FRMPD2: variants seen among roughly 807,000 people sequenced by gnomAD.
The protein encoded by FRMPD2 is FERM and PDZ domain-containing protein 2.
FRMPD2 carries 96 observed loss-of-function variants against 140.1 expected under a neutral mutation model. That is an observed-to-expected ratio of 0.69 (90% CI 0.58 to 0.81). FRMPD2 has a LOEUF of 0.81. Ranked by LOEUF, FRMPD2 falls within the 40% of genes least tolerant of loss-of-function variation. The pLI, the probability that FRMPD2 is intolerant of heterozygous loss-of-function variation, is 0.00. For missense variants in FRMPD2, 1,240 were observed against 1,447.4 expected (o/e 0.86, Z 2.32); for synonymous variants, 449 against 547.6 (o/e 0.82, Z 2.52).
intron 1 of FRMPD2, among the ~76,000 whole-genome samples, chr10:48,255,349 G>A (rs1840468111): frequency 2.0e-5 from 3 of 152,186 alleles, no homozygotes; most frequent in Admixed American, 6.5e-5. Context: ...CCTCTCCCTG[G>A]CATGCCTCGG....
intron 16 of FRMPD2, among the ~76,000 whole-genome samples, chr10:48,188,712 G>GAGGTGGCCTTC (rs980601317): frequency 5.3e-5 from 8 of 152,342 alleles, no homozygotes; most frequent in Admixed American, 5.2e-4. Context: ...CGATGATGCT[G>GAGGTGGCCTTC]AGGTGGCCTT....
rs758653639 is a variant in FRMPD2, at chr10:48,187,219, CAG to C, written c.2237_2238del (p.Ser746TrpfsTer14). The C allele has an allele frequency of 3.7e-6, 6 of 1,613,838 alleles. No homozygotes were observed. The Admixed American group carries it at 5.0e-5, about 13-fold the overall frequency. On this transcript the variant is annotated frameshift_variant, in exon 17 of 29. Coordinates refer to ENST00000374201, the MANE Select transcript of FRMPD2 (RefSeq NM_001018071.4). LOFTEE classifies it high-confidence loss of function. The stretch of plus-strand genomic sequence containing the variant: ...GCATGCATGCTCTGAACAGGTGGTC[CAG>C]AGAGAGAGTCCCAGGTCATTGGCTT... ...IQKPMTWDSL[S>X]GPPVQSMHAG...
In FRMPD2 at chr10:48,163,736, GC is replaced by G; in HGVS notation, c.3538-66del. The G allele has an allele frequency of 3.3e-6, 3 of 899,038 alleles. No homozygotes were observed. In the South Asian group the frequency reaches 4.0e-5, roughly 12 times the overall value. 55.7% of individuals were successfully genotyped at this position (899,038 alleles called of 1,614,324 possible). ...CACATTGTTTTTTTAAAAATACAAA[GC>G]TTTTTTCCCCCATGTGATTATAGAT... On this transcript the variant is annotated intron_variant, in intron 27 of 28. Transcript: ENST00000374201.
chr10:48,224,773 G>C (rs1410859175), intron 10 of FRMPD2, among the ~76,000 whole-genome samples: 3 of 152,152 alleles, frequency 2.0e-5, no homozygotes, highest in Non-Finnish European at 2.9e-5. Context: ...GGAGAAGGCA[G>C]GTAGGAGATA....
intron 13 of FRMPD2, among the ~76,000 whole-genome samples, chr10:48,211,672 G>A (rs375946736): frequency 8.2e-4 from 125 of 152,000 alleles, no homozygotes; most frequent in East Asian, 1.2e-3. Context: ...ATCCCAGAGC[G>A]AGACTCCATC....
rs756480709 is a variant in FRMPD2, at chr10:48,237,998, C to T, written c.914G>A (p.Arg305Lys). 1.2e-6 allele frequency: 2 copies of T among 1,614,220 alleles called. No individual in the cohort carries two copies. The highest frequency in any genetic ancestry group is 1.7e-6 in the Non-Finnish European group (2 of 1,180,040). The change falls in exon 8 of 29, where the codon AGG becomes AAG. Residue 305 changes from arginine to lysine, a missense_variant. Arg to Lys is a conservative substitution (Grantham distance 26). Around this residue, in one of 6 missense-constraint regions of FRMPD2, gnomAD observed 1,161 missense variants for 1,055.9 expected, o/e 1.10. Transcript: ENST00000374201. ...CAGCCTTATTTTGCTTACCTTGCTCCTTCTTTGCAGAAAACCCCTCTGAGA... is the reference window on the plus strand; with the variant it reads ...CAGCCTTATTTTGCTTACCTTGCTCTTTCTTTGCAGAAAACCCCTCTGAGA... ...TPSQRGFLQR[R>K]SKFSRPEFIL...
At chr10:48,190,188 T>C (rs975490445) in intron 16 of FRMPD2, among the ~76,000 whole-genome samples, 8 of 152,104 alleles carry the variant, frequency 5.3e-5, no homozygotes, top group African/African-American at 1.9e-4. Flanking sequence ...TCAACTGCAG[T>C]GGTGGGGGGC....
In FRMPD2 at chr10:48,232,205, C is replaced by A. The variant is rs748110512; in HGVS notation, c.1078G>T (p.Val360Phe). The A allele has an allele frequency of 6.2e-7, 1 of 1,614,192 alleles. No individual in the cohort carries two copies. Among genetic ancestry groups the A allele is most frequent in the South Asian group, 1.1e-5 (1 of 91,084 alleles). Residue 360 changes from valine (V) to phenylalanine (F), a missense_variant, in exon 10 of 29, where the codon GTT becomes TTT. Transcript: ENST00000374201. The stretch of plus-strand genomic sequence containing the variant: ...AAGACAGCTCCCACTGTTGATTCAA[C>A]ATCACATTTTACCTCCAGGTGCTGC... Reference protein sequence around the residue: ...NGQHLEVKCDVESTVGAVFNA... With the variant: ...NGQHLEVKCDFESTVGAVFNA...
chr10:48,188,688 G>A (rs1838753362), intron 16 of FRMPD2, among the ~76,000 whole-genome samples: 1 of 152,266 alleles, frequency 6.6e-6, no homozygotes, highest in Admixed American at 6.5e-5. Context: ...CAGTCTGGGA[G>A]GAGCCGAGAG....
intron 20 of FRMPD2, among the ~76,000 whole-genome samples, chr10:48,183,398 C>T (rs74800851): frequency 2.6e-5 from 4 of 152,176 alleles, no homozygotes; most frequent in Non-Finnish European, 5.9e-5. Flanking sequence ...AGCTTGGTCC[C>T]GATAAAAACA....
intron 20 of FRMPD2, among the ~76,000 whole-genome samples, chr10:48,182,537 G>T (rs1838577409): frequency 6.6e-6 from 1 of 152,208 alleles, no homozygotes; most frequent in East Asian, 1.9e-4. Flanking sequence ...TGGTAGTCAA[G>T]TCTCTGCCAC....
intron 1 of FRMPD2, among the ~76,000 whole-genome samples, chr10:48,252,176 T>C (rs1314308134): frequency 6.6e-6 from 1 of 152,086 alleles, no homozygotes; most frequent in Non-Finnish European, 1.5e-5. Flanking sequence ...GTACCACCCC[T>C]TTCTCCAGCA....
intron 1 of FRMPD2, among the ~76,000 whole-genome samples, chr10:48,272,033 C>G (rs1267319723): frequency 6.6e-6 from 1 of 152,212 alleles, no homozygotes; most frequent in East Asian, 1.9e-4. Flanking sequence ...GAAATGACTT[C>G]ACTAATGGAG....
intron 15 of FRMPD2, among the ~76,000 whole-genome samples, chr10:48,195,253 C>T (rs1838924413): frequency 6.6e-6 from 1 of 152,240 alleles, no homozygotes. Flanking sequence ...CCATGGGCCC[C>T]ACTCCACAGG....
chr10:48,248,939 T>C, intron 3 of FRMPD2, 82 bp downstream of exon 3: 1 of 1,296,222 alleles, frequency 7.7e-7, no homozygotes, highest in Non-Finnish European at 1.1e-6. Context: ...AAGGCTGAGC[T>C]GGGAGCTGGG....
intron 2 of FRMPD2, among the ~76,000 whole-genome samples, chr10:48,250,115 C>G (rs907386181): frequency 6.6e-6 from 1 of 152,180 alleles, no homozygotes; most frequent in Admixed American, 6.5e-5. Flanking sequence ...CCCACACCAA[C>G]CTCCAGAGAG....
At chr10:48,223,782 A>C (rs1445375636) in intron 10 of FRMPD2, among the ~76,000 whole-genome samples, 1 of 152,208 alleles carries the variant, frequency 6.6e-6, no homozygotes, top group African/African-American at 2.4e-5. Flanking sequence ...CTATGTTTAG[A>C]TGAGATCATG....
chr10:48,206,059 T>G (rs991874201), intron 14 of FRMPD2, among the ~76,000 whole-genome samples: 4 of 152,062 alleles, frequency 2.6e-5, no homozygotes, highest in Non-Finnish European at 5.9e-5. Context: ...GTGACACAGG[T>G]ACTGACTAAA....
At chr10:48,246,479 C>T (rs74130210) in intron 3 of FRMPD2, among the ~76,000 whole-genome samples, 2 of 152,324 alleles carry the variant, frequency 1.3e-5, no homozygotes, top group Middle Eastern at 3.4e-3. Flanking sequence ...CAACTCCTGG[C>T]TCAGTGGGAA....
Sources: gnomAD v4.1 joint callset for allele counts (sites outside exome capture counted in the v4.1 genomes callset) on GRCh38, gnomAD v4.1.1 for gene constraint, gnomAD v4.1.1 regional missense constraint, MANE v1.5 for transcripts, NCBI Gene and HGNC (gene_info 2026-07-23, HGNC 2026-07-21) for gene names.